TPTE2: variants seen among roughly 807,000 people sequenced by gnomAD.
TPTE2 encodes the protein phosphatidylinositol 3,4,5-trisphosphate 3-phosphatase TPTE2.
TPTE2 carries 53 observed loss-of-function variants against 78.6 expected under a neutral mutation model. That is an observed-to-expected ratio of 0.67 (90% CI 0.54 to 0.85). The LOEUF is 0.85. TPTE2 is among the 40% of genes least tolerant of loss of function. The pLI, the probability that TPTE2 is intolerant of heterozygous loss-of-function variation, is 0.00. For synonymous variants in TPTE2, 175 were observed against 206.2 expected (o/e 0.85, Z 1.30); for missense variants, 461 against 623.0 (o/e 0.74, Z 2.77).
chr13:19,450,406 A>G, intron 11 of TPTE2, 62 bp from the exon 15 acceptor site: 2 of 1,461,330 alleles, frequency 1.4e-6, no homozygotes, highest in Admixed American at 1.9e-5. Context: ...TGATGAAGTT[A>G]TGAATAAGTT....
intron 18 of TPTE2, among the ~76,000 whole-genome samples, chr13:19,425,482 T>G (rs1875962468): frequency 6.6e-6 from 1 of 152,184 alleles, no homozygotes; most frequent in African/African-American, 2.4e-5. Context: ...AGTTTCTCCA[T>G]GTGACTGATC....
chr13:19,530,269 T>C (rs1261868226), intron 1 of TPTE2, among the ~76,000 whole-genome samples: 2 of 152,172 alleles, frequency 1.3e-5, no homozygotes, highest in Admixed American at 6.5e-5. Context: ...AATTCAGTGA[T>C]AATGTATGTG....
intron 1 of TPTE2, among the ~76,000 whole-genome samples, chr13:19,528,169 G>A (rs1173433048): frequency 6.6e-6 from 1 of 151,928 alleles, no homozygotes; most frequent in Non-Finnish European, 1.5e-5. Flanking sequence ...ATTACCTGAG[G>A]TCAGGAGTTC....
chr13:19,519,463 G>A (rs1208750687), intron 1 of TPTE2, among the ~76,000 whole-genome samples: 16 of 152,142 alleles, frequency 1.1e-4, no homozygotes, highest in Non-Finnish European at 1.5e-5. Context: ...TCTGTATGAT[G>A]TGAGAAAGAG....
At chr13:19,441,012 G>T (rs1877456217) in intron 13 of TPTE2, among the ~76,000 whole-genome samples, 2 of 151,874 alleles carry the variant, frequency 1.3e-5, no homozygotes, top group African/African-American at 2.4e-5. Flanking sequence ...ACTTGAACCT[G>T]GGGGGTGGAG....
intron 5 of TPTE2, 61 bp from the exon 9 acceptor site, chr13:19,474,136 G>T: frequency 8.7e-6 from 11 of 1,258,904 alleles, no homozygotes; most frequent in Non-Finnish European, 1.1e-5. Flanking sequence ...AAGATAAAGG[G>T]GCATTTGTCC....
At chr13:19,427,126 C>T (rs1382528140) in intron 17 of TPTE2, among the ~76,000 whole-genome samples, 5 of 136,864 alleles carry the variant, frequency 3.7e-5, no homozygotes, top group Non-Finnish European at 7.7e-5. Context: ...ACTCTGTCAC[C>T]AGGCTGGAGT....
At chr13:19,447,706 G>T (rs1169832081) in intron 13 of TPTE2, among the ~76,000 whole-genome samples, 1 of 152,078 alleles carries the variant, frequency 6.6e-6, no homozygotes, top group Non-Finnish European at 1.5e-5. Flanking sequence ...CACTAAAAAT[G>T]TAATTATTTA....
the TPTE2 span, among the ~76,000 whole-genome samples, chr13:19,555,353 T>C: frequency 1.9e-3 from 288 of 152,286 alleles, no homozygotes; most frequent in African/African-American, 6.4e-3. Context: ...GTGGGAATCA[T>C]GGAACAGAAT....
the TPTE2 span, among the ~76,000 whole-genome samples, chr13:19,555,803 CTTTTTTTTTTTTTTTT>C: frequency 1.2e-5 from 1 of 81,038 alleles, no homozygotes; most frequent in African/African-American, 5.1e-5. Context: ...CAACAAATTT[CTTTTTTTTTTTTTTTT>C]TTTTTTTTTT....
At chr13:19,543,351 CCTCT>C in the TPTE2 span, among the ~76,000 whole-genome samples, 3 of 119,488 alleles carry the variant, frequency 2.5e-5, no homozygotes, top group African/African-American at 8.1e-5. Flanking sequence ...CCACACCCAG[CCTCT>C]CTGTTTTTTT....
chr13:19,434,605 T>TGTTTC (rs67504377), intron 15 of TPTE2, among the ~76,000 whole-genome samples: 18,278 of 152,108 alleles, frequency 0.12, 1,201 homozygotes, highest in African/African-American at 0.14. Flanking sequence ...TGTTTTGTTT[T>TGTTTC]GTTTGGGGCT....
intron 10 of TPTE2, among the ~76,000 whole-genome samples, chr13:19,455,961 T>A (rs1479853943): frequency 6.6e-6 from 1 of 152,164 alleles, no homozygotes. Flanking sequence ...TGAAATTCTT[T>A]CCACGTGGGT....
At chr13:19,435,732 T>A (rs61956968) in intron 15 of TPTE2, among the ~76,000 whole-genome samples, 1 of 136,662 alleles carries the variant, frequency 7.3e-6, no homozygotes, top group African/African-American at 2.8e-5. Context: ...TTAAAATACA[T>A]CTCCCCCACA....
chr13:19,480,389 A>G (rs145709961), intron 4 of TPTE2, among the ~76,000 whole-genome samples: 3,242 of 152,332 alleles, frequency 0.021, 123 homozygotes, highest in African/African-American at 0.074. Flanking sequence ...AAGACAAAGT[A>G]AATTCAGGGC....
intron 6 of TPTE2, among the ~76,000 whole-genome samples, chr13:19,469,555 G>A (rs931325103): frequency 3.3e-5 from 5 of 152,068 alleles, no homozygotes; most frequent in South Asian, 2.1e-4. Context: ...TTCTATTTCT[G>A]TGAAGAATGT....
chr13:19,525,948 A>G (rs529263072), intron 1 of TPTE2, among the ~76,000 whole-genome samples: 2 of 152,310 alleles, frequency 1.3e-5, no homozygotes, highest in South Asian at 4.1e-4. Flanking sequence ...AATGCTCAAC[A>G]TCACTAATAC....
intron 1 of TPTE2, among the ~76,000 whole-genome samples, chr13:19,522,750 G>A (rs1870245615): frequency 6.6e-6 from 1 of 150,760 alleles, no homozygotes; most frequent in East Asian, 2.0e-4. Flanking sequence ...AGCCTCCCGA[G>A]TAGCTAGGAC....
the TPTE2 span, among the ~76,000 whole-genome samples, chr13:19,543,753 C>A: frequency 1.3e-5 from 2 of 151,904 alleles, no homozygotes; most frequent in African/African-American, 2.4e-5. Context: ...TTGTGAAAAA[C>A]GTTCAGGCAG....
Sources: gnomAD v4.1 joint callset for allele counts (sites outside exome capture counted in the v4.1 genomes callset) on GRCh38, gnomAD v4.1.1 for gene constraint, MANE v1.5 for transcripts, NCBI Gene and HGNC (gene_info 2026-07-23, HGNC 2026-07-21) for gene names.